PCDHA2: variants seen among roughly 807,000 people sequenced by gnomAD.
The protein encoded by PCDHA2 is protocadherin alpha 2.
PCDHA2 carries 58 observed loss-of-function variants against 66.0 expected under a neutral mutation model. That is an observed-to-expected ratio of 0.88 (90% confidence interval 0.71 to 1.09). PCDHA2 has a LOEUF of 1.09. PCDHA2 is among the 50% of genes least tolerant of loss of function. PCDHA2 has a pLI of 0.00. For synonymous variants in PCDHA2, 634 were observed against 554.0 expected (o/e 1.14, Z -2.03); for missense variants, 1,267 against 1,242.3 (o/e 1.02, Z -0.30).
Position 140,857,842 on chromosome 5 carries a change from T to C in PCDHA2, c.2388+60490T>C, listed in dbSNP as rs932363961. 33 of 1,597,726 alleles carry C rather than the reference T, an allele frequency of 2.1e-5. 1 individual carries two copies. Among genetic ancestry groups the C allele is most frequent in the Non-Finnish European group, 2.7e-5 (32 of 1,167,518 alleles). ...TGGCTAAGGTGCGCGCAGTGGACGCTGACTCTGGATACAACGCGTGGCTGT... is the reference window on the plus strand; with the variant it reads ...TGGCTAAGGTGCGCGCAGTGGACGCCGACTCTGGATACAACGCGTGGCTGT... On this transcript the variant is annotated intron_variant, in intron 1 of 3. Transcript: ENST00000526136.
At chr5:140,812,287 T>G (rs1262930138) in intron 1 of PCDHA2, 2 of 152,076 alleles carry the variant, frequency 1.3e-5, no homozygotes, top group Non-Finnish European at 2.9e-5. Flanking sequence ...GGTTATTGAA[T>G]TTTTTGGTAT....
At chr5:140,864,927 G>T (rs2048656466) in intron 1 of PCDHA2, 1 of 152,138 alleles carries the variant, frequency 6.6e-6, no homozygotes, top group Non-Finnish European at 1.5e-5. Flanking sequence ...GCTTGGCAGG[G>T]TGTCTCAGGC....
intron 1 of PCDHA2, chr5:140,802,571 C>G (rs377430096): frequency 1.2e-5 from 20 of 1,613,792 alleles, no homozygotes; most frequent in Non-Finnish European, 1.7e-5. Flanking sequence ...TCTCGCAGTC[C>G]GAGTACACGG....
At chr5:140,818,050 G>A (rs1554127374) in intron 1 of PCDHA2, among the ~76,000 whole-genome samples, 1 of 152,018 alleles carries the variant, frequency 6.6e-6, no homozygotes, top group African/African-American at 2.4e-5. Flanking sequence ...AATTTGCTTT[G>A]TTTTTAATCT....
At chr5:140,822,922 C>G in intron 1 of PCDHA2, 3 of 1,614,270 alleles carry the variant, frequency 1.9e-6, no homozygotes, top group Non-Finnish European at 2.5e-6. Flanking sequence ...TGCCAACGGG[C>G]AGGTGACCTG....
At chr5:140,997,603 C>T (rs781897268) in intron 3 of PCDHA2, among the ~76,000 whole-genome samples, 2 of 151,824 alleles carry the variant, frequency 1.3e-5, no homozygotes, top group African/African-American at 2.4e-5. Flanking sequence ...GATTATGGGG[C>T]GCATGACTAT....
chr5:140,795,917 T>G lies in PCDHA2; in HGVS notation c.953T>G (p.Ile318Ser), dbSNP rs965421102. ...TATGAAGAAGCAAAGTCCTACGAGA[T>G]TCAGGTCACTGCAACTGACAAAGGA... The part of the protein sequence containing the change: ...LDYEEAKSYE[I>S]QVTATDKGTP... Residue 318 changes from isoleucine to serine, a missense_variant, in exon 1 of 4, where the codon ATT becomes AGT. Physicochemically the swap from Ile to Ser is moderately radical, Grantham distance 142. Coordinates refer to ENST00000526136, the MANE Select transcript of PCDHA2 (RefSeq NM_018905.3). 1.2e-6 allele frequency: 2 copies of G among 1,613,832 alleles called. No individual in the cohort carries two copies. The highest frequency in any genetic ancestry group is 1.7e-6 in the Non-Finnish European group (2 of 1,179,852).
intron 1 of PCDHA2, among the ~76,000 whole-genome samples, chr5:140,826,902 T>C (rs2150145831): frequency 6.6e-6 from 1 of 152,196 alleles, no homozygotes. Flanking sequence ...AAGATAAATA[T>C]GATAGCATGT....
chr5:140,924,900 A>T (rs622703), intron 1 of PCDHA2, among the ~76,000 whole-genome samples: 5 of 63,248 alleles, frequency 7.9e-5, no homozygotes, highest in Admixed American at 1.7e-4. Flanking sequence ...GTCTCAAAAA[A>T]AAAAATAAAA....
chr5:140,841,832 A>C lies in PCDHA2; in HGVS notation c.2388+44480A>C, dbSNP rs2150323829. The C allele has an allele frequency of 3.7e-6, 6 of 1,613,806 alleles. No homozygotes were observed. The South Asian group carries it at 5.5e-5, about 15-fold the overall frequency. ...TGGAGCTAACTCCGTGTTAACCTAC[A>C]GGCTTAGCTCTCATGATTACTTCAT... is the stretch of plus-strand genomic sequence containing the variant. On this transcript the variant is annotated intron_variant, in intron 1 of 3. Coordinates refer to ENST00000526136, the MANE Select transcript of PCDHA2 (RefSeq NM_018905.3).
chr5:140,929,289 G>C (rs574226775), intron 1 of PCDHA2: 2 of 1,597,364 alleles, frequency 1.3e-6, no homozygotes, highest in African/African-American at 2.7e-5. Flanking sequence ...TTCAGATTCG[G>C]AATAGGAAAG....
chr5:140,927,685 A>G lies in PCDHA2; in HGVS notation c.2389-51264A>G, dbSNP rs782137754. 2.5e-6 allele frequency: 4 copies of G among 1,614,092 alleles called. No individual in the cohort carries two copies. In the African/African-American group the frequency reaches 4.0e-5, roughly 16 times the overall value. ...AGCCTTGGATCCAGATGAAGGGTCC[A>G]ATGGGGAAGTCCAGTACTCCCTAAG... is the stretch of plus-strand genomic sequence containing the variant. On this transcript the variant is annotated intron_variant, in intron 1 of 3. Transcript: ENST00000526136.
chr5:140,930,404 T>C (rs2086793049), intron 1 of PCDHA2: 1 of 152,170 alleles, frequency 6.6e-6, no homozygotes, highest in African/African-American at 2.4e-5. Flanking sequence ...TTTTTTTTTT[T>C]TGAGACAGGG....
chr5:140,803,665 T>C, intron 1 of PCDHA2: 5 of 1,604,742 alleles, frequency 3.1e-6, no homozygotes, highest in Non-Finnish European at 4.3e-6. Flanking sequence ...CCTCTGGAAA[T>C]ACATTAATAG....
intron 1 of PCDHA2, chr5:140,856,104 T>C: frequency 6.3e-7 from 1 of 1,597,888 alleles, no homozygotes; most frequent in Non-Finnish European, 8.6e-7. Context: ...TCGCTTCTTC[T>C]CCTCGCAGCC....
intron 1 of PCDHA2, among the ~76,000 whole-genome samples, chr5:140,969,883 A>G (rs1161815776): frequency 6.6e-6 from 1 of 152,204 alleles, no homozygotes; most frequent in African/African-American, 2.4e-5. Flanking sequence ...ATGTGATAGG[A>G]TCCTCTGGAA....
chr5:140,868,994 A>C, intron 1 of PCDHA2: 1 of 1,510,848 alleles, frequency 6.6e-7, no homozygotes, highest in Non-Finnish European at 8.8e-7. Context: ...GCCACCGTTT[A>C]AGGATCCTTT....
chr5:140,965,316 T>C (rs1411473254), intron 1 of PCDHA2, among the ~76,000 whole-genome samples: 2 of 152,200 alleles, frequency 1.3e-5, no homozygotes, highest in Admixed American at 6.5e-5. Context: ...CCTTCTCTTT[T>C]ACTGAAGTGA....
chr5:140,930,423 A>G (rs1366004853), intron 1 of PCDHA2: 3 of 151,862 alleles, frequency 2.0e-5, no homozygotes, highest in African/African-American at 7.3e-5. Flanking sequence ...GGGTCTCACT[A>G]TGTTGCCCAG....
Sources: allele counts gnomAD v4.1 joint callset (sites outside exome capture counted in the v4.1 genomes callset), GRCh38; gene constraint gnomAD v4.1.1; transcripts MANE v1.5; gene names NCBI Gene and HGNC (gene_info 2026-07-23, HGNC 2026-07-21).